PCDH7: variants seen among roughly 807,000 people sequenced by gnomAD.
The protein encoded by PCDH7 is protocadherin 7.
A neutral mutation model predicts 58.9 loss-of-function variants in PCDH7; 17 were observed. The ratio of observed to expected loss-of-function variants is 0.29; its 90% confidence interval spans 0.20 to 0.43. The LOEUF (loss-of-function observed/expected upper bound fraction) is 0.43. Ranked by LOEUF, PCDH7 falls within the 20% of genes least tolerant of loss-of-function variation. PCDH7 has a pLI of 1.00. For synonymous variants in PCDH7, 664 were observed against 616.4 expected, an observed-to-expected ratio of 1.08 and a Z score of -1.14; for missense variants, 1,274 against 1,441.0, an observed-to-expected ratio of 0.88 and a Z score of 1.88.
At chr4:30,766,773 C>T (rs1231851322) in intron 1 of PCDH7, among the ~76,000 whole-genome samples, 1 of 151,840 alleles carries the variant, frequency 6.6e-6, no homozygotes, top group South Asian at 2.1e-4. Context: ...TAGAAAATTA[C>T]CAAAAAGGAT....
chr4:31,055,988 G>GGT (rs1757135250), intron 3 of PCDH7, among the ~76,000 whole-genome samples: 1 of 152,132 alleles, frequency 6.6e-6, no homozygotes. Flanking sequence ...TTGTAATGTA[G>GGT]GTCTCAAATT....
intron 1 of PCDH7, among the ~76,000 whole-genome samples, chr4:30,908,845 A>T (rs1371791039): frequency 1.3e-5 from 2 of 152,218 alleles, no homozygotes; most frequent in Non-Finnish European, 2.9e-5. Context: ...GGCCAGCATC[A>T]TCCTGATACC....
chr4:30,902,053 A>C (rs1740289583), intron 1 of PCDH7, among the ~76,000 whole-genome samples: 1 of 152,170 alleles, frequency 6.6e-6, no homozygotes, highest in Admixed American at 6.5e-5. Context: ...AAAATGCAGA[A>C]TAACACGAGT....
chr4:31,093,768 C>T (rs1180759424), intron 3 of PCDH7, among the ~76,000 whole-genome samples: 1 of 152,056 alleles, frequency 6.6e-6, no homozygotes. Flanking sequence ...TGAAAGGCAA[C>T]CACATGAGCC....
At chr4:30,954,663 G>A (rs776397174) in intron 3 of PCDH7, among the ~76,000 whole-genome samples, 2 of 152,116 alleles carry the variant, frequency 1.3e-5, no homozygotes, top group Admixed American at 6.6e-5. Context: ...ATAGAAAGAC[G>A]AGTGAAAAGC....
chr4:30,999,135 C>T (rs1441429173), intron 3 of PCDH7, among the ~76,000 whole-genome samples: 1 of 152,126 alleles, frequency 6.6e-6, no homozygotes, highest in African/African-American at 2.4e-5. Context: ...ATCTATAACC[C>T]TACCTGGCCG....
chr4:31,003,679 G>C (rs573170469), intron 3 of PCDH7, among the ~76,000 whole-genome samples: 3 of 151,946 alleles, frequency 2.0e-5, no homozygotes, highest in Admixed American at 6.6e-5. Flanking sequence ...AGGCAGAGGC[G>C]TGTGGATCAC....
intron 3 of PCDH7, among the ~76,000 whole-genome samples, chr4:30,961,331 T>C (rs1423451448): frequency 6.6e-6 from 1 of 151,472 alleles, no homozygotes; most frequent in African/African-American, 2.4e-5. Context: ...GATCATGAAG[T>C]CAGGACATCA....
intron 1 of PCDH7, among the ~76,000 whole-genome samples, chr4:30,867,260 C>G (rs1305349104): frequency 6.6e-6 from 1 of 151,938 alleles, no homozygotes; most frequent in Non-Finnish European, 1.5e-5. Flanking sequence ...TCTCTGTATG[C>G]TAAGGGAGAA....
chr4:30,773,896 G>A (rs1338875231), intron 1 of PCDH7, among the ~76,000 whole-genome samples: 3 of 152,116 alleles, frequency 2.0e-5, no homozygotes, highest in African/African-American at 7.2e-5. Context: ...ATGGGAGTGT[G>A]AAGGTTTTTC....
intron 3 of PCDH7, among the ~76,000 whole-genome samples, chr4:31,057,469 T>C (rs1289907839): frequency 6.6e-6 from 1 of 152,120 alleles, no homozygotes; most frequent in Non-Finnish European, 1.5e-5. Flanking sequence ...GATTAAAACT[T>C]TCCTATATGT....
rs754335874 is a variant in PCDH7 at position 30,723,408 on chromosome 4, C to G, written c.1986C>G (p.Thr662=). ...CCAACAGCCCTGTGGGGATGGTCAC[C>G]GTGATGGATGCTGACAAGGGGCGGA... The change falls in exon 1 of 2, where the codon ACC becomes ACG. Residue 662 remains threonine (T), a synonymous_variant. Coordinates refer to ENST00000361762, the Ensembl canonical transcript of PCDH7. The surrounding 1 kb of genome is among the most constrained non-coding windows in gnomAD (Gnocchi z 4.6). The G allele has an allele frequency of 4.3e-6, 7 of 1,614,040 alleles. No homozygotes were observed. The highest frequency in any genetic ancestry group is 1.3e-5 in the African/African-American group (1 of 74,918).
At chr4:30,975,193 G>A (rs976916288) in intron 3 of PCDH7, among the ~76,000 whole-genome samples, 2 of 147,672 alleles carry the variant, frequency 1.4e-5, no homozygotes, top group African/African-American at 5.0e-5. Context: ...GTGTGTATTT[G>A]TGGTGAATCT....
At chr4:30,830,697 T>C (rs12331633) in intron 1 of PCDH7, among the ~76,000 whole-genome samples, 90,548 of 151,870 alleles carry the variant, frequency 0.6, 28,589 homozygotes, top group African/African-American at 0.82. Context: ...GGTTACTTCT[T>C]TGCTTTTAGT....
rs77091163 is a variant in PCDH7 at position 30,895,968 on chromosome 4, G to A, written c.71-24185G>A. On this transcript the variant is annotated intron_variant, in intron 1 of 3. Transcript: ENST00000509759. ...TTCCGCTTCATCTAATGCACCATAC[G>A]TGGAACTCTGGTTCAATGTCAAAGG... is the stretch of plus-strand genomic sequence containing the variant. Among the ~76,000 whole-genome samples the A allele has an allele frequency of 8.8e-3, 1,336 of 152,242 alleles. 13 individuals are homozygous for A. The highest frequency in any genetic ancestry group is 0.016 in the Non-Finnish European group (1,073 of 68,020).
At chr4:31,038,123 C>T (rs1311949247) in intron 3 of PCDH7, among the ~76,000 whole-genome samples, 2 of 152,042 alleles carry the variant, frequency 1.3e-5, no homozygotes, top group African/African-American at 2.4e-5. Flanking sequence ...AAATAAATTG[C>T]ACAATATGGA....
At chr4:30,907,800 C>T (rs749562310) in intron 1 of PCDH7, among the ~76,000 whole-genome samples, 9 of 152,076 alleles carry the variant, frequency 5.9e-5, no homozygotes, top group Admixed American at 2.0e-4. Context: ...CACATGCACA[C>T]GTATGTTTAT....
At chr4:30,864,875 TA>T (rs1405739358) in intron 1 of PCDH7, among the ~76,000 whole-genome samples, 1 of 151,828 alleles carries the variant, frequency 6.6e-6, no homozygotes, top group Admixed American at 6.6e-5. Context: ...AAAATTCAAA[TA>T]AAAAAATGAA....
intron 3 of PCDH7, among the ~76,000 whole-genome samples, chr4:30,976,502 A>G (rs1256306534): frequency 6.6e-6 from 1 of 150,398 alleles, no homozygotes; most frequent in Non-Finnish European, 1.5e-5. Flanking sequence ...TGGGGTTCAA[A>G]TGATTCTCCT....
Sources: gnomAD v4.1 joint callset for allele counts (sites outside exome capture counted in the v4.1 genomes callset) on GRCh38, gnomAD v4.1.1 for gene constraint, Gnocchi (gnomAD v3.1) non-coding constraint, MANE v1.5 for transcripts, NCBI Gene and HGNC (gene_info 2026-07-23, HGNC 2026-07-21) for gene names.